The following RSPH14 variants were observed in gnomAD, a reference collection of about 807,000 sequenced individuals.
RSPH14 encodes rhabdoid tumor deletion region gene 1.
Under a neutral mutation model 26.7 loss-of-function variants are expected in RSPH14, and 20 were observed. That is an observed-to-expected ratio of 0.75 (90% CI 0.53 to 1.09). The LOEUF (loss-of-function observed/expected upper bound fraction) is 1.09, where lower values mean the gene tolerates loss of function less well. RSPH14 is among the 50% of genes least tolerant of loss of function. The pLI, the probability that RSPH14 is intolerant of heterozygous loss-of-function variation, is 0.00. For missense variants in RSPH14, 449 were observed against 457.2 expected, an observed-to-expected ratio of 0.98 and a Z score of 0.16; for synonymous variants, 177 against 189.3, an observed-to-expected ratio of 0.93 and a Z score of 0.53.
At chr22:23,092,514 A>G (rs2069009883) in intron 4 of RSPH14, among the ~76,000 whole-genome samples, 1 of 152,076 alleles carries the variant, frequency 6.6e-6, no homozygotes, top group Non-Finnish European at 1.5e-5. Flanking sequence ...CTTGGTTGTG[A>G]CTGTTCGTCA....
intron 4 of RSPH14, chr22:23,095,414 G>A (rs1372779095): frequency 2.3e-6 from 1 of 440,096 alleles, no homozygotes. Context: ...CCGTCGCCGA[G>A]GACAGGGAAT....
At chr22:23,141,221 C>T (rs568152207) in intron 1 of RSPH14, among the ~76,000 whole-genome samples, 2 of 149,918 alleles carry the variant, frequency 1.3e-5, no homozygotes, top group South Asian at 2.1e-4. Flanking sequence ...CCCAGCTACT[C>T]GGGAGGCTGA....
intron 4 of RSPH14, chr22:23,096,170 G>T (rs377139627): frequency 6.2e-7 from 1 of 1,613,038 alleles, no homozygotes; most frequent in Non-Finnish European, 8.5e-7. Context: ...CTACCTGAAC[G>T]ACCTGGAGCG....
At position 23,096,498 on chromosome 22, in the gene RSPH14, G is replaced by A. The variant is rs2069127997; in HGVS notation, c.422-32365C>T. 8.4e-6 allele frequency: 12 copies of A among 1,420,436 alleles called. No homozygotes were observed. The Admixed American group carries it at 1.6e-4, about 19-fold the overall frequency. The allele number at this position is 1,420,436 out of a possible 1,614,324, so 88.0% of individuals were successfully genotyped here. A position where few individuals can be genotyped will look rare whatever the true frequency, so the allele number is the denominator to read the frequency against. On this transcript the variant is annotated intron_variant, in intron 4 of 6. Transcript: ENST00000216036. ...AAGCAAGAGGACTCGTGAGGTCCAG[G>A]ACAGTCTGCAGCCAGAAAGGGAACC...
At chr22:23,095,007 CCT>C (rs1402324937) in intron 4 of RSPH14, among the ~76,000 whole-genome samples, 1 of 152,178 alleles carries the variant, frequency 6.6e-6, no homozygotes, top group African/African-American at 2.4e-5. Flanking sequence ...TCGCACACAC[CCT>C]CCTCTCCCTC....
chr22:23,178,754 A>G, the RSPH14 span, among the ~76,000 whole-genome samples: 2 of 152,190 alleles, frequency 1.3e-5, no homozygotes, highest in Non-Finnish European at 2.9e-5. Flanking sequence ...CACACCATTT[A>G]TCAGGTTGTG....
the RSPH14 span, chr22:23,159,128 CG>C: frequency 3.1e-6 from 5 of 1,601,212 alleles, no homozygotes; most frequent in Non-Finnish European, 3.4e-6. Flanking sequence ...GCAGGAGAGC[CG>C]GGACGCTGGG....
At chr22:23,135,498 G>GTAAATAAACAAA (rs2070458895) in intron 3 of RSPH14, among the ~76,000 whole-genome samples, 1 of 147,000 alleles carries the variant, frequency 6.8e-6, no homozygotes, top group African/African-American at 2.5e-5. Context: ...TCTCAAATAA[G>GTAAATAAACAAA]TAAATAAATA....
At chr22:23,126,911 C>A (rs991018540) in intron 4 of RSPH14, among the ~76,000 whole-genome samples, 3 of 152,248 alleles carry the variant, frequency 2.0e-5, no homozygotes, top group Non-Finnish European at 4.4e-5. Flanking sequence ...GGGTCAACAA[C>A]AGTGGTCACG....
rs114676033 is a variant in RSPH14 at position 23,078,915 on chromosome 22, C to A, written c.422-14782G>T. Among the ~76,000 whole-genome samples, 1,345 of 152,296 alleles carry A rather than the reference C, an allele frequency of 8.8e-3. 25 individuals carry two copies. Among genetic ancestry groups the A allele is most frequent in the African/African-American group, 0.031 (1,274 of 41,554 alleles). On this transcript the variant is annotated intron_variant, in intron 4 of 6. Coordinates refer to ENST00000216036, the MANE Select transcript of RSPH14 (RefSeq NM_014433.3). ...TCGGCCAAGTCCAGGTGGGCGGGGGCTGTGCGTCTACCCGTGTCCACCCAG... is the reference window on the plus strand; with the variant it reads ...TCGGCCAAGTCCAGGTGGGCGGGGGATGTGCGTCTACCCGTGTCCACCCAG...
At chr22:23,133,503 G>A (rs191513822) in intron 4 of RSPH14, among the ~76,000 whole-genome samples, 1 of 152,322 alleles carries the variant, frequency 6.6e-6, no homozygotes, top group Non-Finnish European at 1.5e-5. Flanking sequence ...CTCTCTACAT[G>A]TCTTGATTGG....
intron 4 of RSPH14, chr22:23,070,235 G>C (rs559100518): frequency 6.7e-6 from 1 of 150,288 alleles, no homozygotes; most frequent in Non-Finnish European, 1.5e-5. Context: ...TGCCCGGCGC[G>C]TGGTGCCCGG....
intron 4 of RSPH14, among the ~76,000 whole-genome samples, chr22:23,112,832 G>A (rs1178644987): frequency 6.6e-6 from 1 of 152,160 alleles, no homozygotes; most frequent in African/African-American, 2.4e-5. Context: ...AGGGAGCAAG[G>A]TGGCCAGTGT....
chr22:23,167,569 TCA>T, the RSPH14 span, among the ~76,000 whole-genome samples: 1 of 152,162 alleles, frequency 6.6e-6, no homozygotes, highest in Admixed American at 6.5e-5. Flanking sequence ...CAGACAAACC[TCA>T]CTCTCTGGAG....
At chr22:23,088,466 G>A (rs1470182756) in intron 4 of RSPH14, among the ~76,000 whole-genome samples, 2 of 152,196 alleles carry the variant, frequency 1.3e-5, no homozygotes, top group Non-Finnish European at 2.9e-5. Context: ...TACAGGAGCC[G>A]CGGCTGCCTG....
chr22:23,115,516 G>C (rs1481357909), intron 4 of RSPH14, among the ~76,000 whole-genome samples: 7 of 152,178 alleles, frequency 4.6e-5, no homozygotes, highest in Non-Finnish European at 1.0e-4. Flanking sequence ...CCTCCTGGAG[G>C]GGGTCTCGGG....
intron 4 of RSPH14, among the ~76,000 whole-genome samples, chr22:23,073,107 C>T (rs774920354): frequency 6.6e-6 from 1 of 152,268 alleles, no homozygotes; most frequent in South Asian, 2.1e-4. Flanking sequence ...GTCTGTCCCA[C>T]GCTAGCCTCA....
the RSPH14 span, among the ~76,000 whole-genome samples, chr22:23,166,146 TTAA>T: frequency 1.5e-4 from 12 of 82,176 alleles, no homozygotes; most frequent in African/African-American, 3.4e-4. Context: ...ACTCTGTCTT[TTAA>T]AAAAAAAAAA....
At chr22:23,101,205 A>ATGAGGAAAC (rs751656730) in intron 4 of RSPH14, among the ~76,000 whole-genome samples, 8 of 152,166 alleles carry the variant, frequency 5.3e-5, no homozygotes, top group African/African-American at 1.4e-4. Flanking sequence ...GGCTTTGCAG[A>ATGAGGAAAC]TGAGGAAACT....
Sources: gnomAD v4.1 joint callset for allele counts (sites outside exome capture counted in the v4.1 genomes callset) on GRCh38, gnomAD v4.1.1 for gene constraint, MANE v1.5 for transcripts, NCBI Gene and HGNC (gene_info 2026-07-23, HGNC 2026-07-21) for gene names.